The following L3MBTL4 variants were observed in gnomAD, a reference collection of about 807,000 sequenced individuals.
L3MBTL4 encodes lethal(3)malignant brain tumor-like protein 4.
Under a neutral mutation model 84.5 loss-of-function variants are expected in L3MBTL4, and 70 were observed. The ratio of observed to expected loss-of-function variants is 0.83; its 90% CI spans 0.68 to 1.01. The LOEUF is 1.01. Ranked by LOEUF, L3MBTL4 falls within the 50% of genes least tolerant of loss-of-function variation. The pLI, the probability that L3MBTL4 is intolerant of heterozygous loss-of-function variation, is 0.00. For missense variants in L3MBTL4, 715 were observed against 754.8 expected, an observed-to-expected ratio of 0.95 and a Z score of 0.62; for synonymous variants, 274 against 259.8, an observed-to-expected ratio of 1.05 and a Z score of -0.52.
At position 5,997,099 on chromosome 18, in the gene L3MBTL4, A is replaced by G. The variant is rs961869134; in HGVS notation, c.1445-27537T>C. 5.4e-5 allele frequency among the ~76,000 whole-genome samples: 8 copies of G among 147,828 alleles called. 1 individual carries two copies. The highest frequency in any genetic ancestry group is 8.8e-5 in the Non-Finnish European group (6 of 68,024). On this transcript the variant is annotated intron_variant, in intron 16 of 18. Coordinates refer to ENST00000317931, the MANE Select transcript of L3MBTL4 (RefSeq NM_001330559.2). ...ACATTACAATAGTAAAAACACTACA[A>G]GTAAAAAAGCAATTAAGTATTAATA...
chr18:6,356,578 A>G (rs1235788895), intron 1 of L3MBTL4: 1 of 152,266 alleles, frequency 6.6e-6, no homozygotes, highest in East Asian at 1.9e-4. Context: ...ACAAACCCGT[A>G]CTGAATACTG....
intron 10 of L3MBTL4, among the ~76,000 whole-genome samples, chr18:6,234,038 A>G (rs903375597): frequency 2.6e-5 from 4 of 152,218 alleles, no homozygotes; most frequent in South Asian, 4.1e-4. Flanking sequence ...CTGATCTTTG[A>G]CAAACCTGAC....
chr18:6,245,688 C>T (rs2047633082), intron 5 of L3MBTL4, among the ~76,000 whole-genome samples: 1 of 151,084 alleles, frequency 6.6e-6, no homozygotes. Flanking sequence ...CTCCCAGGTT[C>T]AAGCAATTCT....
intron 11 of L3MBTL4, among the ~76,000 whole-genome samples, chr18:6,213,516 G>A (rs968918692): frequency 6.6e-6 from 1 of 152,096 alleles, no homozygotes; most frequent in East Asian, 1.9e-4. Context: ...GGGTTCAAGC[G>A]ATTCTCCTGC....
In L3MBTL4 at chr18:5,964,921, A is replaced by C. The variant is rs146217109; in HGVS notation, c.1614+4472T>G. Among the ~76,000 whole-genome samples the C allele has an allele frequency of 3.0e-3, 457 of 152,356 alleles. 1 individual carries two copies. Among genetic ancestry groups the C allele is most frequent in the African/African-American group, 0.011 (442 of 41,578 alleles). Reference sequence around the variant, plus strand: ...CATTTGTCAAACACCTCTTCTGTGCAAGATGCTTTGCAATAAGATAGCAAA... The same window carrying C: ...CATTTGTCAAACACCTCTTCTGTGCCAGATGCTTTGCAATAAGATAGCAAA... On this transcript the variant is annotated intron_variant, in intron 17 of 18. Coordinates refer to ENST00000317931, the MANE Select transcript of L3MBTL4 (RefSeq NM_001330559.2).
At chr18:6,058,002 T>C (rs1327667941) in intron 16 of L3MBTL4, among the ~76,000 whole-genome samples, 1 of 152,234 alleles carries the variant, frequency 6.6e-6, no homozygotes, top group Non-Finnish European at 1.5e-5. Flanking sequence ...ACTTTTGTAA[T>C]AATCAACATG....
chr18:6,225,067 G>A (rs988467848), intron 10 of L3MBTL4, among the ~76,000 whole-genome samples: 5 of 152,142 alleles, frequency 3.3e-5, no homozygotes, highest in Admixed American at 6.6e-5. Context: ...AGGGGGGAGC[G>A]TTCCCATTTC....
At chr18:5,985,580 C>T (rs1420773700) in intron 16 of L3MBTL4, among the ~76,000 whole-genome samples, 1 of 152,170 alleles carries the variant, frequency 6.6e-6, no homozygotes, top group Non-Finnish European at 1.5e-5. Context: ...TGCCTGGCTC[C>T]CAGGTCTGTG....
chr18:6,353,088 G>T (rs896465833), intron 1 of L3MBTL4, among the ~76,000 whole-genome samples: 1 of 151,998 alleles, frequency 6.6e-6, no homozygotes, highest in African/African-American at 2.4e-5. Context: ...CTTTAAAAAG[G>T]CACATTCTGT....
At chr18:6,344,790 T>C (rs1255381889) in intron 1 of L3MBTL4, among the ~76,000 whole-genome samples, 1 of 151,880 alleles carries the variant, frequency 6.6e-6, no homozygotes, top group Non-Finnish European at 1.5e-5. Context: ...ATCGTGATCA[T>C]TTCAATAAAT....
chr18:6,365,526 A>G (rs1331476654), intron 1 of L3MBTL4, among the ~76,000 whole-genome samples: 4 of 152,240 alleles, frequency 2.6e-5, no homozygotes, highest in African/African-American at 9.6e-5. Flanking sequence ...TTAGCCATCT[A>G]AAGAAGAAAA....
intron 16 of L3MBTL4, among the ~76,000 whole-genome samples, chr18:6,056,384 T>C (rs16949347): frequency 0.023 from 3,437 of 152,204 alleles, 132 homozygotes; most frequent in African/African-American, 0.079. Flanking sequence ...AGTCACTGCA[T>C]CCTGAGCACA....
chr18:6,115,564 G>A (rs959798125), intron 14 of L3MBTL4, among the ~76,000 whole-genome samples: 3 of 152,182 alleles, frequency 2.0e-5, no homozygotes, highest in Non-Finnish European at 4.4e-5. Context: ...CCTACAAGGC[G>A]ATGCTCATTG....
intron 12 of L3MBTL4, among the ~76,000 whole-genome samples, chr18:6,188,327 T>A (rs1259379623): frequency 1.3e-5 from 2 of 150,382 alleles, no homozygotes; most frequent in East Asian, 1.9e-4. Flanking sequence ...ATATAATTAA[T>A]ATTAAAAGTG....
At chr18:6,233,072 A>C (rs577528006) in intron 10 of L3MBTL4, among the ~76,000 whole-genome samples, 2 of 152,308 alleles carry the variant, frequency 1.3e-5, no homozygotes, top group South Asian at 4.1e-4. Flanking sequence ...CAAAAACCAC[A>C]TGATTATCTC....
chr18:6,229,130 T>A (rs989045836), intron 10 of L3MBTL4, among the ~76,000 whole-genome samples: 5 of 152,168 alleles, frequency 3.3e-5, no homozygotes, highest in African/African-American at 1.2e-4. Context: ...AGTGTTCGTG[T>A]GAATAGTAGA....
chr18:6,132,928 G>A (rs73938756), intron 14 of L3MBTL4, among the ~76,000 whole-genome samples: 7,938 of 152,170 alleles, frequency 0.052, 694 homozygotes, highest in African/African-American at 0.18. Flanking sequence ...GAGATGCTCT[G>A]CTACCTTAAA....
chr18:6,247,414 G>T (rs1434055209), intron 5 of L3MBTL4, among the ~76,000 whole-genome samples: 1 of 131,072 alleles, frequency 7.6e-6, no homozygotes, highest in African/African-American at 3.0e-5. Context: ...CTGTGTCATT[G>T]TCTTGTATAG....
chr18:6,082,320 T>C (rs897628944), intron 15 of L3MBTL4: 3 of 152,172 alleles, frequency 2.0e-5, no homozygotes, highest in African/African-American at 7.2e-5. Flanking sequence ...ATTCTTTTTT[T>C]TTGCTTATAT....
Sources: gnomAD v4.1 joint callset for allele counts (sites outside exome capture counted in the v4.1 genomes callset) on GRCh38, gnomAD v4.1.1 for gene constraint, MANE v1.5 for transcripts, NCBI Gene and HGNC (gene_info 2026-07-23, HGNC 2026-07-21) for gene names.